Variants in ZNF169 observed in about 807,000 individuals in gnomAD.
The protein encoded by ZNF169 is zinc finger protein 169.
A neutral mutation model predicts 12.0 loss-of-function variants in ZNF169; 11 were observed. The observed-to-expected ratio is 0.92, with a 90% CI of 0.58 to 1.52. The LOEUF (loss-of-function observed/expected upper bound fraction) is 1.52, where lower values mean the gene tolerates loss of function less well. Among genes scored for constraint, ZNF169 ranks in the 40% most tolerant of loss-of-function variants. The pLI is 0.00. For missense variants in ZNF169, 722 were observed against 744.0 expected (o/e 0.97, Z 0.34); for synonymous variants, 302 against 286.5 (o/e 1.05, Z -0.55).
intron 1 of ZNF169, among the ~76,000 whole-genome samples, chr9:94,265,305 C>T (rs1366071038): frequency 6.6e-6 from 1 of 152,004 alleles, no homozygotes; most frequent in South Asian, 2.1e-4. Flanking sequence ...TTTTGCCAGG[C>T]GCAGTGGCTC....
intron 1 of ZNF169, among the ~76,000 whole-genome samples, chr9:94,259,970 G>A (rs964166365): frequency 1.3e-5 from 2 of 149,626 alleles, no homozygotes; most frequent in African/African-American, 2.5e-5. Context: ...CGCAATCTCG[G>A]TTCACTGCAA....
intron 2 of ZNF169, among the ~76,000 whole-genome samples, chr9:94,286,125 C>G (rs1186956860): frequency 6.6e-6 from 1 of 152,132 alleles, no homozygotes; most frequent in Non-Finnish European, 1.5e-5. Flanking sequence ...CAGAGGATGT[C>G]TGTTGACTAG....
At chr9:94,292,308 T>G (rs1830857590) in intron 2 of ZNF169, 33 bp from the exon 3 acceptor site, 1 of 1,613,770 alleles carries the variant, frequency 6.2e-7, no homozygotes, top group East Asian at 2.2e-5. Context: ...CATGGCTGGC[T>G]GTTGAGTGAG....
chr9:94,276,469 T>G (rs1036925426), intron 1 of ZNF169, among the ~76,000 whole-genome samples: 3 of 152,148 alleles, frequency 2.0e-5, no homozygotes, highest in African/African-American at 7.2e-5. Flanking sequence ...TTCCACCATG[T>G]TGACCAGGCT....
chr9:94,266,172 G>C (rs1004051805), intron 1 of ZNF169, among the ~76,000 whole-genome samples: 1 of 151,640 alleles, frequency 6.6e-6, no homozygotes, highest in African/African-American at 2.4e-5. Context: ...ATGGGCTTTT[G>C]TTACATCCTA....
intron 4 of ZNF169, among the ~76,000 whole-genome samples, chr9:94,297,985 G>T (rs1357565461): frequency 6.6e-6 from 1 of 151,982 alleles, no homozygotes; most frequent in African/African-American, 2.4e-5. Context: ...TGGCCAACAT[G>T]GTGAGACCCT....
intron 4 of ZNF169, among the ~76,000 whole-genome samples, chr9:94,298,894 T>A (rs1831002162): frequency 6.6e-6 from 1 of 152,138 alleles, no homozygotes; most frequent in Non-Finnish European, 1.5e-5. Context: ...GAAACAAAAT[T>A]TTTTGAAAAA....
chr9:94,270,856 T>A (rs1437859474), intron 1 of ZNF169, among the ~76,000 whole-genome samples: 2 of 20,484 alleles, frequency 9.8e-5, no homozygotes, highest in South Asian at 1.7e-3. Context: ...TATATAAATA[T>A]ATATAATAAT....
chr9:94,270,668 TAC>T (rs1396290053), intron 1 of ZNF169, among the ~76,000 whole-genome samples: 18 of 76,506 alleles, frequency 2.4e-4, no homozygotes, highest in South Asian at 4.1e-4. Context: ...TAAATATATA[TAC>T]TATATAAATA....
intron 4 of ZNF169, chr9:94,293,560 G>A (rs1243917600): frequency 5.4e-6 from 1 of 183,702 alleles, no homozygotes; most frequent in Non-Finnish European, 1.1e-5. Context: ...TGGGACTACA[G>A]GTGCCCGCCA....
rs1587693262 is a variant in ZNF169, at chr9:94,301,623, G to A, written c.*253G>A. On this transcript the variant is annotated 3_prime_UTR_variant, in exon 5 of 5. Coordinates refer to ENST00000395395, the MANE Select transcript of ZNF169 (RefSeq NM_194320.4). The stretch of plus-strand genomic sequence containing the variant: ...TGGAGGCTGGAAGTCCCAGATGAAC[G>A]TATTGGTAGGTTTGGCTGCTGCTTA... Among the ~76,000 whole-genome samples, 1 of 152,128 alleles carries A rather than the reference G, an allele frequency of 6.6e-6. No homozygotes were observed. Among genetic ancestry groups the A allele is most frequent in the Non-Finnish European group, 1.5e-5 (1 of 68,008 alleles).
chr9:94,261,992 G>A (rs761242267), intron 1 of ZNF169, among the ~76,000 whole-genome samples: 29 of 152,128 alleles, frequency 1.9e-4, no homozygotes, highest in Non-Finnish European at 2.9e-4. Flanking sequence ...TGTTGTTTCC[G>A]TATTTGTCTC....
chr9:94,299,996 A>G lies in ZNF169; in HGVS notation c.438A>G (p.Thr146=), dbSNP rs1049177230. The change falls in exon 5 of 5, where the codon ACA becomes ACG. Residue 146 remains threonine (T), a synonymous_variant. Transcript: ENST00000395395. ...CSSEKGESGE[T]EGPDSSLRKR... The stretch of plus-strand genomic sequence containing the variant: ...GTGAAAAAGGAGAAAGTGGAGAGAC[A>G]GAAGGCCCCGACAGCTCATTAAGAA... The G allele has an allele frequency of 6.2e-6, 10 of 1,614,068 alleles. No individual in the cohort carries two copies. Among genetic ancestry groups the G allele is most frequent in the Middle Eastern group, 1.6e-4 (1 of 6,084 alleles).
intron 1 of ZNF169, among the ~76,000 whole-genome samples, chr9:94,269,916 T>G (rs1830361049): frequency 6.6e-6 from 1 of 152,174 alleles, no homozygotes; most frequent in Non-Finnish European, 1.5e-5. Flanking sequence ...CTGGGGTGAT[T>G]ACTCTTACCT....
intron 2 of ZNF169, among the ~76,000 whole-genome samples, chr9:94,286,216 A>G (rs758222176): frequency 3.3e-5 from 5 of 152,184 alleles, no homozygotes; most frequent in Non-Finnish European, 5.9e-5. Flanking sequence ...TTATTACTGA[A>G]GAATTACAGA....
intron 1 of ZNF169, among the ~76,000 whole-genome samples, chr9:94,265,415 A>T (rs759773215): frequency 5.3e-5 from 8 of 151,896 alleles, no homozygotes; most frequent in Non-Finnish European, 1.5e-5. Flanking sequence ...CCCTATCTCT[A>T]CTAAAAATAC....
intron 1 of ZNF169, among the ~76,000 whole-genome samples, chr9:94,269,696 G>A (rs1830357792): frequency 6.6e-6 from 1 of 152,102 alleles, no homozygotes; most frequent in Non-Finnish European, 1.5e-5. Context: ...CCGGTTACAG[G>A]GAGAAGGCCT....
intron 1 of ZNF169, among the ~76,000 whole-genome samples, chr9:94,272,360 T>C (rs1830438312): frequency 1.3e-5 from 2 of 152,180 alleles, no homozygotes. Flanking sequence ...TGTATAATAT[T>C]GTTAACTATG....
At chr9:94,268,491 A>G (rs943268697) in intron 1 of ZNF169, among the ~76,000 whole-genome samples, 2 of 152,038 alleles carry the variant, frequency 1.3e-5, no homozygotes, top group Admixed American at 6.6e-5. Flanking sequence ...TCTTTACATT[A>G]GTGTGCTATT....
Sources: allele counts gnomAD v4.1 joint callset (sites outside exome capture counted in the v4.1 genomes callset), GRCh38; gene constraint gnomAD v4.1.1; transcripts MANE v1.5; gene names NCBI Gene and HGNC (gene_info 2026-07-23, HGNC 2026-07-21).